Variants in UVRAG observed in about 807,000 individuals in gnomAD.
UVRAG encodes UV radiation resistance associated.
A neutral mutation model predicts 78.0 loss-of-function variants in UVRAG; 19 were observed. The ratio of observed to expected loss-of-function variants is 0.24; its 90% confidence interval spans 0.17 to 0.36. The LOEUF (loss-of-function observed/expected upper bound fraction) is 0.36. UVRAG is among the 10% of genes least tolerant of loss of function. UVRAG has a pLI of 1.00. For missense variants in UVRAG, 740 were observed against 853.8 expected (o/e 0.87, Z 1.66); for synonymous variants, 323 against 324.6 (o/e 1.00, Z 0.05).
intron 6 of UVRAG, among the ~76,000 whole-genome samples, chr11:75,912,591 C>G (rs1947763157): frequency 6.6e-6 from 1 of 152,106 alleles, no homozygotes; most frequent in Admixed American, 6.5e-5. Context: ...GATAGATCAT[C>G]AAGGATATTT....
At chr11:75,960,177 C>T (rs1262805313) in intron 6 of UVRAG, among the ~76,000 whole-genome samples, 1 of 150,828 alleles carries the variant, frequency 6.6e-6, no homozygotes, top group East Asian at 1.9e-4. Context: ...TTGATTGACT[C>T]AGGGTTGCCA....
intron 6 of UVRAG, among the ~76,000 whole-genome samples, chr11:75,925,159 T>C (rs1948070706): frequency 6.6e-6 from 1 of 152,200 alleles, no homozygotes; most frequent in African/African-American, 2.4e-5. Flanking sequence ...ATAGCTGCCT[T>C]GTAACTTCTA....
rs139915455 is a variant in UVRAG, at chr11:76,082,033, C to T, written c.1305+16245C>T. Among the ~76,000 whole-genome samples the T allele has an allele frequency of 3.1e-3, 460 of 150,176 alleles. 6 individuals carry two copies. Among genetic ancestry groups the T allele is most frequent in the African/African-American group, 0.011 (436 of 40,788 alleles). ...ATATTATTTAGGAATGAAAACTATA[C>T]AAAAAAACAAGGGTAGTGACTAACT... On this transcript the variant is annotated intron_variant, in intron 13 of 14. Transcript: ENST00000356136.
At chr11:75,895,229 T>C (rs1001402438) in intron 5 of UVRAG, among the ~76,000 whole-genome samples, 1 of 152,168 alleles carries the variant, frequency 6.6e-6, no homozygotes, top group African/African-American at 2.4e-5. Context: ...CCAGAAACAG[T>C]TTTATTATTA....
chr11:75,839,721 C>G (rs1945864322), intron 1 of UVRAG, among the ~76,000 whole-genome samples: 1 of 150,238 alleles, frequency 6.7e-6, no homozygotes, highest in Non-Finnish European at 1.5e-5. Flanking sequence ...GTGGAAATTT[C>G]AATGTCTATT....
intron 6 of UVRAG, among the ~76,000 whole-genome samples, chr11:75,944,827 TCTTATA>T (rs1948557925): frequency 6.6e-6 from 1 of 152,154 alleles, no homozygotes. Context: ...AAGAATATAG[TCTTATA>T]CTTGAGTCCT....
chr11:76,143,505 T>A lies in UVRAG; in HGVS notation c.*2092T>A, dbSNP rs759550803. 1.3e-5 allele frequency among the ~76,000 whole-genome samples: 2 copies of A among 152,240 alleles called. No individual in the cohort carries two copies. The highest frequency in any genetic ancestry group is 2.9e-5 in the Non-Finnish European group (2 of 68,034). Reference sequence around the variant, plus strand: ...TTCACCGCACGGCGGGGAGCCCTGCTCTTGAATGTCATCGGGCTGCTCAGA... The same window carrying A: ...TTCACCGCACGGCGGGGAGCCCTGCACTTGAATGTCATCGGGCTGCTCAGA... On this transcript the variant is annotated 3_prime_UTR_variant, in exon 15 of 15. Coordinates refer to ENST00000356136, the MANE Select transcript of UVRAG (RefSeq NM_003369.4).
At chr11:76,098,374 CAG>C (rs901729036) in intron 13 of UVRAG, among the ~76,000 whole-genome samples, 1 of 152,092 alleles carries the variant, frequency 6.6e-6, no homozygotes, top group Non-Finnish European at 1.5e-5. Flanking sequence ...TTATATGAGC[CAG>C]AGGCTCAGGC....
chr11:75,885,923 T>C (rs1019688700), intron 4 of UVRAG, among the ~76,000 whole-genome samples: 2 of 149,340 alleles, frequency 1.3e-5, no homozygotes, highest in African/African-American at 5.1e-5. Context: ...AAAAATACTT[T>C]CATATCTTAT....
intron 13 of UVRAG, among the ~76,000 whole-genome samples, chr11:76,098,919 T>C (rs193281105): frequency 6.6e-6 from 1 of 152,246 alleles, no homozygotes; most frequent in East Asian, 1.9e-4. Flanking sequence ...AATAAAATGG[T>C]TCCTCAGCCA....
chr11:76,115,913 C>A lies in UVRAG; in HGVS notation c.1306-11C>A. 1 of 1,612,432 alleles carries A rather than the reference C, an allele frequency of 6.2e-7. No homozygotes were observed. ...CAAAATATCTTTAATTCTATTTTTTCACCTTCACAGCTAAGATATCAACAT... is the reference window on the plus strand; with the variant it reads ...CAAAATATCTTTAATTCTATTTTTTAACCTTCACAGCTAAGATATCAACAT... On this transcript the variant is annotated splice_polypyrimidine_tract_variant and intron_variant, in intron 13 of 14. Coordinates refer to ENST00000356136, the MANE Select transcript of UVRAG (RefSeq NM_003369.4).
At chr11:75,940,709 A>C (rs1444385540) in intron 6 of UVRAG, among the ~76,000 whole-genome samples, 2 of 152,166 alleles carry the variant, frequency 1.3e-5, no homozygotes, top group Admixed American at 1.3e-4. Flanking sequence ...AAAACTGTAG[A>C]TGCTTTTGAA....
chr11:76,135,931 G>A (rs1484593202), intron 14 of UVRAG, among the ~76,000 whole-genome samples: 1 of 152,190 alleles, frequency 6.6e-6, no homozygotes, highest in Non-Finnish European at 1.5e-5. Context: ...GAGGCTCCCT[G>A]TAAGTTTTTC....
At chr11:75,931,067 T>TA (rs749888705) in intron 6 of UVRAG, among the ~76,000 whole-genome samples, 3 of 152,022 alleles carry the variant, frequency 2.0e-5, no homozygotes, top group Non-Finnish European at 4.4e-5. Flanking sequence ...GAGATACAGT[T>TA]AGCATGACAG....
At chr11:75,941,157 A>C (rs1178777032) in intron 6 of UVRAG, among the ~76,000 whole-genome samples, 1 of 152,176 alleles carries the variant, frequency 6.6e-6, no homozygotes, top group Non-Finnish European at 1.5e-5. Flanking sequence ...TCATTCATTG[A>C]CTTACACTCA....
At chr11:75,899,690 G>C (rs1947443324) in intron 5 of UVRAG, among the ~76,000 whole-genome samples, 1 of 152,174 alleles carries the variant, frequency 6.6e-6, no homozygotes, top group Admixed American at 6.5e-5. Context: ...ACATTAACCA[G>C]CACAAAGCAT....
chr11:75,866,859 T>G (rs767414029), intron 3 of UVRAG, among the ~76,000 whole-genome samples: 1 of 152,194 alleles, frequency 6.6e-6, no homozygotes, highest in African/African-American at 2.4e-5. Context: ...AAAAAATAGT[T>G]AAACATTCTA....
intron 13 of UVRAG, among the ~76,000 whole-genome samples, chr11:76,087,742 C>G (rs1951615505): frequency 6.6e-6 from 1 of 152,124 alleles, no homozygotes; most frequent in Non-Finnish European, 1.5e-5. Flanking sequence ...TTCTCTATTC[C>G]CATTTTAGAA....
At chr11:76,134,030 G>A (rs986075992) in intron 14 of UVRAG, among the ~76,000 whole-genome samples, 5 of 141,652 alleles carry the variant, frequency 3.5e-5, no homozygotes, top group Non-Finnish European at 5.9e-5. Context: ...CTCGGTTCAC[G>A]CAACCTCCAC....
Sources: gnomAD v4.1 joint callset for allele counts (sites outside exome capture counted in the v4.1 genomes callset) on GRCh38, gnomAD v4.1.1 for gene constraint, MANE v1.5 for transcripts, NCBI Gene and HGNC (gene_info 2026-07-23, HGNC 2026-07-21) for gene names.